Variants in FRS2 observed in about 807,000 individuals in gnomAD.
FRS2 encodes fibroblast growth factor receptor substrate 2, also known as FGFR signalling adaptor.
In FRS2, 8 loss-of-function variants were observed where a neutral mutation model predicts 43.9. The ratio of observed to expected loss-of-function variants is 0.18; its 90% CI spans 0.11 to 0.33. The LOEUF (loss-of-function observed/expected upper bound fraction) is 0.33, where lower values mean the gene tolerates loss of function less well. Ranked by LOEUF, FRS2 falls within the 10% of genes least tolerant of loss-of-function variation. FRS2 has a pLI of 1.00. For synonymous variants in FRS2, 219 were observed against 220.3 expected, an observed-to-expected ratio of 0.99 and a Z score of 0.05; for missense variants, 534 against 627.6, an observed-to-expected ratio of 0.85 and a Z score of 1.59.
intron 3 of FRS2, among the ~76,000 whole-genome samples, chr12:69,558,028 C>G (rs919299034): frequency 6.6e-6 from 1 of 151,864 alleles, no homozygotes; most frequent in Non-Finnish European, 1.5e-5. Flanking sequence ...AAATGAATCT[C>G]TATATATATA....
At chr12:69,474,953 T>C (rs1734551821) in intron 1 of FRS2, among the ~76,000 whole-genome samples, 1 of 152,232 alleles carries the variant, frequency 6.6e-6, no homozygotes, top group African/African-American at 2.4e-5. Flanking sequence ...ATAAGTTCTT[T>C]TGATTAACAT....
rs150523075 is a variant in FRS2 at position 69,520,655 on chromosome 12, C to A, written c.-260-10210C>A. Among the ~76,000 whole-genome samples, 36 of 152,094 alleles carry A rather than the reference C, an allele frequency of 2.4e-4. No individual in the cohort carries two copies. The East Asian group carries it at 6.8e-3, about 29-fold the overall frequency. ...CATATGGCTATCAGTTATCCTAGCA[C>A]CATTTGTTGATTAGGGAGTCCTTTT... On this transcript the variant is annotated intron_variant, in intron 1 of 8. Coordinates refer to ENST00000549921, the MANE Select transcript of FRS2 (RefSeq NM_001278356.2).
intron 1 of FRS2, among the ~76,000 whole-genome samples, chr12:69,490,102 T>C (rs1872329996): frequency 6.6e-6 from 1 of 152,150 alleles, no homozygotes; most frequent in Non-Finnish European, 1.5e-5. Flanking sequence ...AAAAAATAAA[T>C]ACACTACTCT....
Position 69,470,492 on chromosome 12 carries a change from C to G in FRS2, c.-299C>G, listed in dbSNP as rs1419841858. 8 of 398,574 alleles carry G rather than the reference C, an allele frequency of 2.0e-5. No homozygotes were observed. Among genetic ancestry groups the G allele is most frequent in the African/African-American group, 4.1e-5 (2 of 48,630 alleles). The allele number at this position is 398,574 out of a possible 1,614,324, so 24.7% of individuals were successfully genotyped here. On this transcript the variant is annotated 5_prime_UTR_variant, in exon 1 of 9. Coordinates refer to ENST00000549921, the MANE Select transcript of FRS2 (RefSeq NM_001278356.2). ...TCGGAGTCTGGGGGTTCGCGCCCGCCGACCCGCGCCCTGCTCCCTCTCAGC... is the reference window on the plus strand; with the variant it reads ...TCGGAGTCTGGGGGTTCGCGCCCGCGGACCCGCGCCCTGCTCCCTCTCAGC...
chr12:69,497,317 C>T (rs906373519), intron 1 of FRS2, among the ~76,000 whole-genome samples: 2 of 152,156 alleles, frequency 1.3e-5, no homozygotes, highest in African/African-American at 4.8e-5. Context: ...AACAAAATAC[C>T]TTAGACTGGG....
intron 1 of FRS2, among the ~76,000 whole-genome samples, chr12:69,517,527 A>G (rs1230645396): frequency 6.6e-6 from 1 of 152,050 alleles, no homozygotes; most frequent in Non-Finnish European, 1.5e-5. Flanking sequence ...TCATCTAGAT[A>G]AGAAATGGTG....
chr12:69,514,196 T>C (rs1399212409), intron 1 of FRS2, among the ~76,000 whole-genome samples: 2 of 151,496 alleles, frequency 1.3e-5, no homozygotes, highest in East Asian at 3.9e-4. Context: ...CAAATTGTTG[T>C]GAGGGTTGGA....
rs1001301984 is a variant in FRS2 at position 69,547,508 on chromosome 12, G to A, written c.-121-14672G>A. On this transcript the variant is annotated intron_variant, in intron 3 of 8. Coordinates refer to ENST00000549921, the MANE Select transcript of FRS2 (RefSeq NM_001278356.2). ...AGATGGATGATGGATAGTTAAGATG[G>A]TAAATTTTATGTGTATTTTACCACA... Among the ~76,000 whole-genome samples, 11 of 152,200 alleles carry A rather than the reference G, an allele frequency of 7.2e-5. 1 individual carries two copies. The East Asian group carries it at 1.5e-3, about 21-fold the overall frequency.
At chr12:69,554,295 C>T (rs1368641896) in intron 3 of FRS2, among the ~76,000 whole-genome samples, 1 of 152,122 alleles carries the variant, frequency 6.6e-6, no homozygotes, top group Non-Finnish European at 1.5e-5. Context: ...ATTCTACCAC[C>T]AAATTAATCA....
chr12:69,568,917 TTG>T (rs902423444), intron 4 of FRS2, 86 bp from the exon 5 acceptor site: 15 of 585,850 alleles, frequency 2.6e-5, no homozygotes, highest in Non-Finnish European at 4.1e-5. Flanking sequence ...AGAATAATGT[TTG>T]TGTTAGATGA....
intron 4 of FRS2, among the ~76,000 whole-genome samples, chr12:69,565,085 A>G (rs1312017329): frequency 7.9e-5 from 12 of 152,240 alleles, no homozygotes; most frequent in African/African-American, 2.9e-4. Context: ...GGTATAGCCT[A>G]CTATACACCT....
At chr12:69,555,565 C>A (rs1231575158) in intron 3 of FRS2, among the ~76,000 whole-genome samples, 1 of 152,052 alleles carries the variant, frequency 6.6e-6, no homozygotes, top group African/African-American at 2.4e-5. Flanking sequence ...GGGTTTGAAC[C>A]GTATGGATCC....
chr12:69,501,956 TTTTGTTTTG>T (rs1873486834), intron 1 of FRS2, among the ~76,000 whole-genome samples: 2 of 128,726 alleles, frequency 1.6e-5, no homozygotes, highest in Non-Finnish European at 3.1e-5. Context: ...TATCTGTTTT[TTTTGTTTTG>T]TTTTTTTTGT....
At chr12:69,550,838 A>G (rs1004028272) in intron 3 of FRS2, among the ~76,000 whole-genome samples, 8 of 152,268 alleles carry the variant, frequency 5.3e-5, no homozygotes, top group African/African-American at 1.9e-4. Context: ...ACATAATTAT[A>G]GGAAACCAAT....
chr12:69,526,733 T>C (rs1876269351), intron 1 of FRS2, among the ~76,000 whole-genome samples: 1 of 152,122 alleles, frequency 6.6e-6, no homozygotes, highest in Non-Finnish European at 1.5e-5. Context: ...GAAACTTTTT[T>C]TTTTTTTTGA....
intron 1 of FRS2, among the ~76,000 whole-genome samples, chr12:69,506,107 A>G (rs779844233): frequency 6.6e-6 from 1 of 152,168 alleles, no homozygotes; most frequent in Non-Finnish European, 1.5e-5. Context: ...TTACCCGAAC[A>G]CTATTTGAGT....
In FRS2 at chr12:69,509,335, A is replaced by G. The variant is rs59669789; in HGVS notation, c.-260-21530A>G. 0.035 allele frequency among the ~76,000 whole-genome samples: 5,316 copies of G among 152,248 alleles called. 427 individuals are homozygous for G. In the East Asian group the frequency reaches 0.37, roughly 11 times the overall value. ...CACTTATAAGAATTTTCAGCCAGTC[A>G]TATGGTTTCCAGCCCCATCCTGTGT... On this transcript the variant is annotated intron_variant, in intron 1 of 8. Transcript: ENST00000549921.
intron 1 of FRS2, among the ~76,000 whole-genome samples, chr12:69,514,678 C>T (rs184434058): frequency 6.6e-6 from 1 of 152,172 alleles, no homozygotes; most frequent in East Asian, 1.9e-4. Context: ...ACTAAAAATA[C>T]AACACTTAGC....
chr12:69,571,470 CAG>C lies in FRS2; in HGVS notation c.412+38_412+39del, dbSNP rs770976359. 3 of 1,534,536 alleles carry C rather than the reference CAG, an allele frequency of 2.0e-6. No individual in the cohort carries two copies. In the South Asian group the frequency reaches 3.4e-5, roughly 17 times the overall value. On this transcript the variant is annotated intron_variant, in intron 7 of 8. Coordinates refer to ENST00000549921, the MANE Select transcript of FRS2 (RefSeq NM_001278356.2). ...CTTTTCCCTTTCACATTTTGAATAACAGACGTTTAGTTGTAAGCTATAGATTG... is the reference window on the plus strand; with the variant it reads ...CTTTTCCCTTTCACATTTTGAATAACACGTTTAGTTGTAAGCTATAGATTG...
Sources: gnomAD v4.1 joint callset for allele counts (sites outside exome capture counted in the v4.1 genomes callset) on GRCh38, gnomAD v4.1.1 for gene constraint, MANE v1.5 for transcripts, NCBI Gene and HGNC (gene_info 2026-07-23, HGNC 2026-07-21) for gene names.